Variants in ANKRD42 observed in about 807,000 individuals in gnomAD.
ANKRD42 encodes the protein ankyrin repeat domain 42.
ANKRD42 carries 43 observed loss-of-function variants against 51.5 expected under a neutral mutation model. The observed-to-expected ratio is 0.83, with a 90% CI of 0.65 to 1.08. The LOEUF is 1.08. ANKRD42 is among the 50% of genes least tolerant of loss of function. The probability of loss-of-function intolerance (pLI) is 0.00; values close to 1 mark genes in which losing one functional copy is unlikely to be tolerated. For missense variants in ANKRD42, 608 were observed against 629.3 expected (o/e 0.97, Z 0.36); for synonymous variants, 203 against 213.0 (o/e 0.95, Z 0.41).
downstream of ANKRD42, among the ~76,000 whole-genome samples, chr11:83,251,433 A>G (rs898909841): frequency 3.9e-5 from 6 of 152,220 alleles, no homozygotes; most frequent in Non-Finnish European, 8.8e-5. Context: ...GGTTTTGAGT[A>G]TGTTGGGCTT....
downstream of ANKRD42, among the ~76,000 whole-genome samples, chr11:83,249,268 C>T (rs1863633369): frequency 6.6e-6 from 1 of 152,136 alleles, no homozygotes. Context: ...TGCAGTGGTG[C>T]CATCATAGGG....
downstream of ANKRD42, among the ~76,000 whole-genome samples, chr11:83,263,639 G>C (rs866379911): frequency 2.0e-5 from 3 of 152,208 alleles, no homozygotes; most frequent in South Asian, 4.1e-4. Flanking sequence ...GGTGGCGTCT[G>C]ACCCACGATG....
At chr11:83,212,797 C>A in intron 5 of ANKRD42, 1 of 1,492,166 alleles carries the variant, frequency 6.7e-7, no homozygotes, top group South Asian at 1.3e-5. Context: ...TTCTGAAGGT[C>A]GTCTTTCAGT....
At chr11:83,209,311 T>C in intron 3 of ANKRD42, 1 of 794,410 alleles carries the variant, frequency 1.3e-6, no homozygotes, top group East Asian at 2.7e-5. Flanking sequence ...AAACATTTTC[T>C]TGAGGCCAAA....
intron 7 of ANKRD42, among the ~76,000 whole-genome samples, chr11:83,234,799 G>GGATA (rs1591000586): frequency 6.6e-6 from 1 of 152,154 alleles, no homozygotes; most frequent in East Asian, 1.9e-4. Context: ...AGTGGGTTCT[G>GGATA]GATAGGCTGT....
At chr11:83,227,656 A>G in intron 6 of ANKRD42, 91 bp from the exon 7 acceptor site, 1 of 1,390,784 alleles carries the variant, frequency 7.2e-7, no homozygotes, top group Non-Finnish European at 9.7e-7. Context: ...ATATTTGAGA[A>G]AATATTGAAA....
At chr11:83,228,243 T>TC (rs1862957063) in intron 7 of ANKRD42, among the ~76,000 whole-genome samples, 1 of 104,170 alleles carries the variant, frequency 9.6e-6, no homozygotes, top group African/African-American at 4.0e-5. Context: ...TTTTTTTTTT[T>TC]TTTTTTTTTT....
chr11:83,228,633 C>T (rs1341789298), intron 7 of ANKRD42, among the ~76,000 whole-genome samples: 1 of 152,116 alleles, frequency 6.6e-6, no homozygotes, highest in Non-Finnish European at 1.5e-5. Flanking sequence ...TTCTGGCAGT[C>T]CTCAGATCAT....
intron 5 of ANKRD42, chr11:83,212,888 CTTTGTAT>C: frequency 1.4e-6 from 2 of 1,437,774 alleles, no homozygotes; most frequent in Non-Finnish European, 1.8e-6. Context: ...ATTCTTTTTA[CTTTGTAT>C]TTTGTAAGTT....
chr11:83,228,229 CTCTTTTTTTTTTTTTTTTT>C (rs980158079), intron 7 of ANKRD42, among the ~76,000 whole-genome samples: 3 of 41,114 alleles, frequency 7.3e-5, no homozygotes, highest in African/African-American at 4.2e-4. Flanking sequence ...CCCTCTCTCT[CTCTTTTTTTTTTTTTTTTT>C]TTTTTTTTTT....
At chr11:83,223,068 T>C (rs911130743) in intron 5 of ANKRD42, among the ~76,000 whole-genome samples, 54 of 152,102 alleles carry the variant, frequency 3.6e-4, no homozygotes, top group African/African-American at 1.3e-3. Flanking sequence ...CTGGCCAACA[T>C]GGTGAAACCC....
At chr11:83,214,339 C>T in intron 5 of ANKRD42, 2 of 710,870 alleles carry the variant, frequency 2.8e-6, no homozygotes, top group Non-Finnish European at 3.5e-6. Context: ...ATTCCCAATC[C>T]TCCTAGAACT....
chr11:83,199,948 G>A (rs526933), intron 2 of ANKRD42, among the ~76,000 whole-genome samples: 4 of 151,874 alleles, frequency 2.6e-5, no homozygotes, highest in East Asian at 1.9e-4. Flanking sequence ...GCTGGTATCC[G>A]TGGGTAGGTG....
chr11:83,254,493 G>A (rs970171333), intron 11 of ANKRD42, among the ~76,000 whole-genome samples: 15 of 147,274 alleles, frequency 1.0e-4, no homozygotes, highest in South Asian at 4.3e-4. Flanking sequence ...GTGCAGTGGC[G>A]CAGTCTTGGC....
intron 4 of ANKRD42, 50 bp from the exon 5 acceptor site, chr11:83,211,245 T>C: frequency 6.2e-7 from 1 of 1,606,054 alleles, no homozygotes; most frequent in Non-Finnish European, 8.5e-7. Context: ...GGCTTAGTAT[T>C]TCCCCTACAA....
chr11:83,238,349 G>C (rs1348428038), intron 8 of ANKRD42, among the ~76,000 whole-genome samples: 1 of 152,334 alleles, frequency 6.6e-6, no homozygotes, highest in Non-Finnish European at 1.5e-5. Flanking sequence ...CCAAGTGTAT[G>C]TTTAACTTTA....
Position 83,198,614 on chromosome 11 carries a change from A to G in ANKRD42, c.194A>G (p.His65Arg). The G allele has an allele frequency of 6.2e-7, 1 of 1,606,432 alleles. No homozygotes were observed. Among genetic ancestry groups the G allele is most frequent in the Non-Finnish European group, 8.5e-7 (1 of 1,175,990 alleles). ...GTTCTCCATAAGTTTACCCCTTTAC[A>G]TTGGGCAGCACATTCTGGAAGTTTG... The part of the protein sequence containing the change: ...LDVLHKFTPL[H>R]WAAHSGSLEC... Residue 65 changes from histidine (H) to arginine (R), a missense_variant, in exon 2 of 11, where the codon CAT becomes CGT. His to Arg is a conservative substitution (Grantham distance 29). Coordinates refer to ENST00000533342, the MANE Select transcript of ANKRD42 (RefSeq NM_001300975.2).
At chr11:83,198,431 TC>T (rs1161239610) in intron 1 of ANKRD42, 47 bp from the exon 2 acceptor site, 8 of 1,533,308 alleles carry the variant, frequency 5.2e-6, no homozygotes, top group Non-Finnish European at 6.2e-6. Context: ...TCTTTTTTTT[TC>T]TTTCATAGTT....
downstream of ANKRD42, chr11:83,260,474 T>A (rs1344575892): frequency 6.6e-6 from 1 of 152,190 alleles, no homozygotes; most frequent in African/African-American, 2.4e-5. Context: ...TGTAACAGGA[T>A]AATGTCAAGG....
Sources: allele counts gnomAD v4.1 joint callset (sites outside exome capture counted in the v4.1 genomes callset), GRCh38; gene constraint gnomAD v4.1.1; transcripts MANE v1.5; gene names NCBI Gene and HGNC (gene_info 2026-07-23, HGNC 2026-07-21).